The following DNAH3 variants were observed in gnomAD, a reference collection of about 807,000 sequenced individuals.
The protein encoded by DNAH3 is axonemal beta dynein heavy chain 3.
In DNAH3, 332 loss-of-function variants were observed where a neutral mutation model predicts 432.5. That is an observed-to-expected ratio of 0.77 (90% CI 0.70 to 0.84). The LOEUF (loss-of-function observed/expected upper bound fraction) is 0.84, where lower values mean the gene tolerates loss of function less well. DNAH3 is among the 40% of genes least tolerant of loss of function. The pLI, the probability that DNAH3 is intolerant of heterozygous loss-of-function variation, is 0.00. For missense variants in DNAH3, 4,861 were observed against 5,114.0 expected (o/e 0.95, Z 1.51); for synonymous variants, 1,956 against 1,900.2 (o/e 1.03, Z -0.76).
intron 35 of DNAH3, among the ~76,000 whole-genome samples, chr16:21,036,282 C>T (rs531554008): frequency 1.3e-5 from 2 of 152,180 alleles, no homozygotes; most frequent in African/African-American, 2.4e-5. Flanking sequence ...GCCAAGATTG[C>T]ACCACTGCAC....
At chr16:21,072,376 G>C (rs1379182532) in intron 21 of DNAH3, among the ~76,000 whole-genome samples, 1 of 152,100 alleles carries the variant, frequency 6.6e-6, no homozygotes, top group Non-Finnish European at 1.5e-5. Flanking sequence ...GCCCAGGCTG[G>C]AGTGCAGTGG....
At chr16:20,955,422 C>T (rs946449126) in intron 54 of DNAH3, among the ~76,000 whole-genome samples, 1 of 151,696 alleles carries the variant, frequency 6.6e-6, no homozygotes, top group African/African-American at 2.4e-5. Context: ...GTAGTTGAAC[C>T]AAGATGTGAA....
At chr16:21,071,047 G>A (rs951950099) in intron 21 of DNAH3, among the ~76,000 whole-genome samples, 3 of 151,422 alleles carry the variant, frequency 2.0e-5, no homozygotes, top group African/African-American at 7.3e-5. Flanking sequence ...ACCATGCCTG[G>A]ATTTTTTTTT....
At chr16:20,988,107 A>C in intron 44 of DNAH3, 42 bp from the exon 45 acceptor site, 2 of 1,610,056 alleles carry the variant, frequency 1.2e-6, no homozygotes, top group South Asian at 2.2e-5. Flanking sequence ...TGGAAAACAC[A>C]TATTCTCACA....
chr16:21,002,220 T>G (rs1162842875), intron 42 of DNAH3, among the ~76,000 whole-genome samples: 2 of 152,072 alleles, frequency 1.3e-5, no homozygotes, highest in East Asian at 3.8e-4. Context: ...AGATAAACTA[T>G]GCCCACTAGA....
intron 41 of DNAH3, among the ~76,000 whole-genome samples, chr16:21,017,647 G>A (rs2087926721): frequency 6.6e-6 from 1 of 152,128 alleles, no homozygotes; most frequent in Non-Finnish European, 1.5e-5. Context: ...GCCTCCTGAG[G>A]CTGTGTCACA....
intron 36 of DNAH3, among the ~76,000 whole-genome samples, chr16:21,032,454 A>C (rs1205396845): frequency 1.3e-5 from 2 of 152,136 alleles, no homozygotes; most frequent in Non-Finnish European, 2.9e-5. Context: ...AAAAAATCAC[A>C]ATGCTTTTAT....
In DNAH3 at chr16:20,955,074, C is replaced by T; in HGVS notation, c.10827-17G>A. The T allele has an allele frequency of 1.3e-6, 2 of 1,586,922 alleles. No homozygotes were observed. Among genetic ancestry groups the T allele is most frequent in the Middle Eastern group, 1.7e-4 (1 of 5,916 alleles). ...AGCCAGAGTCTGGAAGAACAATGGA[C>T]CCAACGTTTTAGAGCAATACAATAA... is the stretch of plus-strand genomic sequence containing the variant. On this transcript the variant is annotated splice_polypyrimidine_tract_variant and intron_variant, in intron 54 of 61. Transcript: ENST00000261383.
At chr16:20,967,538 T>C (rs1341838379) in intron 52 of DNAH3, among the ~76,000 whole-genome samples, 1 of 149,698 alleles carries the variant, frequency 6.7e-6, no homozygotes, top group Non-Finnish European at 1.5e-5. Context: ...GTTTTGTTCT[T>C]GTTGCCCAGG....
intron 33 of DNAH3, among the ~76,000 whole-genome samples, chr16:21,038,335 C>T (rs938221218): frequency 3.9e-5 from 6 of 152,012 alleles, no homozygotes; most frequent in African/African-American, 9.7e-5. Flanking sequence ...AGCAACATAG[C>T]GAGGCTCTAT....
chr16:20,968,609 C>T (rs371237712), intron 52 of DNAH3, among the ~76,000 whole-genome samples: 1 of 151,980 alleles, frequency 6.6e-6, no homozygotes, highest in African/African-American at 2.4e-5. Flanking sequence ...TTCCTCCTTC[C>T]CCATTCCTTT....
intron 20 of DNAH3, among the ~76,000 whole-genome samples, chr16:21,078,483 G>T (rs1057003966): frequency 5.3e-5 from 8 of 152,112 alleles, no homozygotes; most frequent in Non-Finnish European, 1.2e-4. Flanking sequence ...TGACCAAAAT[G>T]AGTGTGCATA....
chr16:21,016,174 G>C (rs2087848237), intron 41 of DNAH3, among the ~76,000 whole-genome samples: 1 of 152,000 alleles, frequency 6.6e-6, no homozygotes, highest in Non-Finnish European at 1.5e-5. Context: ...GCAACCAAAA[G>C]CTTTAAAATG....
At chr16:21,025,082 A>C (rs1440110905) in intron 38 of DNAH3, among the ~76,000 whole-genome samples, 1 of 151,712 alleles carries the variant, frequency 6.6e-6, no homozygotes, top group African/African-American at 2.4e-5. Context: ...GTCCCACCAC[A>C]CCTGGCTAAC....
chr16:20,997,505 C>G (rs1474138282), intron 43 of DNAH3, 43 bp from the exon 44 acceptor site: 1 of 1,601,166 alleles, frequency 6.2e-7, no homozygotes, highest in South Asian at 1.1e-5. Context: ...AAGTTCATGG[C>G]ATCTTCTGCT....
chr16:20,957,281 A>G (rs2084605012), intron 54 of DNAH3, among the ~76,000 whole-genome samples: 1 of 152,224 alleles, frequency 6.6e-6, no homozygotes, highest in African/African-American at 2.4e-5. Flanking sequence ...CTCTGCTGCA[A>G]CTACTTGTCA....
At position 21,115,721 on chromosome 16, in the gene DNAH3, T is replaced by TAAAATAAAATAAAATA. The variant is rs61092151; in HGVS notation, c.1814+1481_1814+1482insTATTTTATTTTATTTT. 1.2e-3 allele frequency among the ~76,000 whole-genome samples: 163 copies of TAAAATAAAATAAAATA among 141,016 alleles called. 2 individuals carry two copies. The highest frequency in any genetic ancestry group is 4.1e-3 in the African/African-American group (158 of 38,138). 92.5% of individuals were successfully genotyped at this position (141,016 alleles called of 152,430 possible). A position where few individuals can be genotyped will look rare whatever the true frequency, so the allele number is the denominator to read the frequency against. ...GATGCCATCTCAAAAAATAATAAAA[T>TAAAATAAAATAAAATA]AAATAAAATAAAATAAAATAAAATA... On this transcript the variant is annotated intron_variant, in intron 12 of 61. Transcript: ENST00000261383.
chr16:21,153,862 T>C (rs1199219153), intron 1 of DNAH3, among the ~76,000 whole-genome samples: 1 of 152,214 alleles, frequency 6.6e-6, no homozygotes, highest in Non-Finnish European at 1.5e-5. Context: ...TTCCCCCTTT[T>C]TCTACTCCTT....
chr16:21,053,778 G>A (rs1036892379), intron 28 of DNAH3, among the ~76,000 whole-genome samples: 1 of 152,096 alleles, frequency 6.6e-6, no homozygotes, highest in Non-Finnish European at 1.5e-5. Flanking sequence ...CCTTGGTGAT[G>A]GAGTGAGGGT....
Sources: allele counts gnomAD v4.1 joint callset (sites outside exome capture counted in the v4.1 genomes callset), GRCh38; gene constraint gnomAD v4.1.1; transcripts MANE v1.5; gene names NCBI Gene and HGNC (gene_info 2026-07-23, HGNC 2026-07-21).